KCNJ16: variants seen among roughly 807,000 people sequenced by gnomAD.
KCNJ16 encodes inward rectifier potassium channel 16.
Under a neutral mutation model 18.5 loss-of-function variants are expected in KCNJ16, and 15 were observed. That is an observed-to-expected ratio of 0.81 (90% CI 0.54 to 1.25). The LOEUF (loss-of-function observed/expected upper bound fraction) is 1.25. Among genes scored for constraint, KCNJ16 ranks in the 50% most tolerant of loss-of-function variants. The pLI is 0.00. For missense variants in KCNJ16, 523 were observed against 525.7 expected (o/e 0.99, Z 0.05); for synonymous variants, 174 against 186.5 (o/e 0.93, Z 0.55).
intron 1 of KCNJ16, among the ~76,000 whole-genome samples, chr17:70,097,231 G>A (rs1207762735): frequency 6.6e-6 from 1 of 152,072 alleles, no homozygotes; most frequent in Non-Finnish European, 1.5e-5. Context: ...CATGTCAATG[G>A]CACAACCCAT....
chr17:70,096,590 ATAAC>A (rs1156663551), intron 1 of KCNJ16: 4 of 203,306 alleles, frequency 2.0e-5, no homozygotes, highest in Non-Finnish European at 3.9e-5. Context: ...TCAATAAATA[ATAAC>A]TATCATTATT....
At chr17:70,078,725 C>A (rs1247596349) in intron 1 of KCNJ16, among the ~76,000 whole-genome samples, 1 of 152,056 alleles carries the variant, frequency 6.6e-6, no homozygotes, top group African/African-American at 2.4e-5. Context: ...CCCAGCCTGG[C>A]AGAAAAAGGC....
chr17:70,127,154 T>G (rs2073882782), intron 2 of KCNJ16, among the ~76,000 whole-genome samples: 1 of 152,054 alleles, frequency 6.6e-6, no homozygotes, highest in Admixed American at 6.6e-5. Context: ...AATGGAGGAT[T>G]AGGGTTAGGG....
At position 70,132,440 on chromosome 17, in the gene KCNJ16, T is replaced by C; in HGVS notation, c.353T>C (p.Phe118Ser). 7 of 1,614,212 alleles carry C rather than the reference T, an allele frequency of 4.3e-6. No homozygotes were observed. The highest frequency in any genetic ancestry group is 5.9e-6 in the Non-Finnish European group (7 of 1,180,026). ...ITPCVDNVHSFTGAFLFSLET... is the reference protein window; with the variant it reads ...ITPCVDNVHSSTGAFLFSLET... The stretch of plus-strand genomic sequence containing the variant: ...CCTTGTGTTGACAACGTCCATTCTT[T>C]CACAGGGGCCTTTTTGTTCTCCCTA... Residue 118 changes from phenylalanine to serine, a missense_variant, in exon 4 of 4, where the codon TTC (phenylalanine) becomes TCC (serine). Coordinates refer to ENST00000392671, the MANE Select transcript of KCNJ16 (RefSeq NM_170741.4).
chr17:70,124,889 GGTGTGTGTTTGTGT>G (rs1567803884), intron 2 of KCNJ16, among the ~76,000 whole-genome samples: 1 of 89,320 alleles, frequency 1.1e-5, no homozygotes, highest in Non-Finnish European at 2.2e-5. Context: ...TGAATAGATG[GGTGTGTGTTTGTGT>G]GTGTGTGTTC....
intron 1 of KCNJ16, among the ~76,000 whole-genome samples, chr17:70,096,039 T>C (rs1469362331): frequency 6.6e-6 from 1 of 151,808 alleles, no homozygotes; most frequent in Non-Finnish European, 1.5e-5. Context: ...CCCACCACCA[T>C]GTCTGGCTAA....
intron 2 of KCNJ16, among the ~76,000 whole-genome samples, chr17:70,112,486 G>T: frequency 6.7e-6 from 1 of 148,806 alleles, no homozygotes; most frequent in Admixed American, 6.7e-5. Context: ...TCTTTCCCTT[G>T]TCTTGAACTC....
intron 2 of KCNJ16, among the ~76,000 whole-genome samples, chr17:70,122,878 C>T (rs932845820): frequency 6.6e-6 from 1 of 152,142 alleles, no homozygotes; most frequent in African/African-American, 2.4e-5. Flanking sequence ...GTGGCCCTGC[C>T]GCACATGAAG....
intron 2 of KCNJ16, among the ~76,000 whole-genome samples, chr17:70,130,073 A>C (rs1226581084): frequency 4.6e-5 from 7 of 152,160 alleles, no homozygotes; most frequent in Non-Finnish European, 8.8e-5. Flanking sequence ...ACATTTAACA[A>C]GAAAATAATT....
intron 1 of KCNJ16, among the ~76,000 whole-genome samples, chr17:70,079,508 A>C (rs2071459173): frequency 6.6e-6 from 1 of 152,126 alleles, no homozygotes; most frequent in Non-Finnish European, 1.5e-5. Flanking sequence ...AACAGAATCC[A>C]ACTTCATCCT....
chr17:70,112,693 T>C (rs1045550233), intron 2 of KCNJ16, among the ~76,000 whole-genome samples: 2 of 152,194 alleles, frequency 1.3e-5, no homozygotes, highest in African/African-American at 2.4e-5. Flanking sequence ...ATTCATCTCA[T>C]CCCTGTCCCC....
At chr17:70,076,761 TAATTGAAAATTAGA>T (rs1740235781) in intron 1 of KCNJ16, among the ~76,000 whole-genome samples, 2 of 152,316 alleles carry the variant, frequency 1.3e-5, no homozygotes, top group South Asian at 4.1e-4. Context: ...GGATATAAAT[TAATTGAAAATTAGA>T]AATGGAAAAA....
intron 2 of KCNJ16, among the ~76,000 whole-genome samples, chr17:70,110,368 A>G (rs2073133318): frequency 6.6e-6 from 1 of 152,152 alleles, no homozygotes. Flanking sequence ...CAGTGAAAAC[A>G]GCCTTTGGTC....
intron 2 of KCNJ16, among the ~76,000 whole-genome samples, chr17:70,111,591 C>A (rs1304779884): frequency 6.6e-6 from 1 of 152,038 alleles, no homozygotes; most frequent in Non-Finnish European, 1.5e-5. Context: ...GGTACATATG[C>A]TCGCAGACAG....
intron 2 of KCNJ16, 130 bp from the exon 3 acceptor site, chr17:70,130,749 T>C: frequency 1.7e-6 from 1 of 574,940 alleles, no homozygotes; most frequent in Non-Finnish European, 3.1e-6. Context: ...GAGGCAGGAT[T>C]CCCTAAAGTC....
intron 2 of KCNJ16, among the ~76,000 whole-genome samples, chr17:70,109,947 C>T (rs2073110839): frequency 6.6e-6 from 1 of 152,166 alleles, no homozygotes; most frequent in African/African-American, 2.4e-5. Context: ...ACCCAGAAAC[C>T]TGGCCATCTG....
At chr17:70,113,622 C>G (rs914404005) in intron 2 of KCNJ16, among the ~76,000 whole-genome samples, 14 of 152,114 alleles carry the variant, frequency 9.2e-5, no homozygotes, top group African/African-American at 3.4e-4. Context: ...AAACTCAGTT[C>G]TTAGTTGCCC....
rs1241931810 is a variant in KCNJ16 at position 70,134,673 on chromosome 17, T to G, written c.*1329T>G. On this transcript the variant is annotated 3_prime_UTR_variant, in exon 4 of 4. Transcript: ENST00000392671. ...GATATTAGGAACATTCAGAATTATT[T>G]GTGTTTTGTTTTTGTTTTACATTGT... The G allele has an allele frequency of 6.0e-6, 1 of 167,058 alleles. No homozygotes were observed. Among genetic ancestry groups the G allele is most frequent in the African/African-American group, 2.4e-5 (1 of 41,470 alleles). 10.3% of individuals were successfully genotyped at this position (167,058 alleles called of 1,614,324 possible).
At chr17:70,114,774 G>A (rs1598154402) in intron 2 of KCNJ16, among the ~76,000 whole-genome samples, 1 of 152,012 alleles carries the variant, frequency 6.6e-6, no homozygotes, top group East Asian at 1.9e-4. Context: ...TAATGGCGGG[G>A]GAAAAAAATG....
Sources: allele counts gnomAD v4.1 joint callset (sites outside exome capture counted in the v4.1 genomes callset), GRCh38; gene constraint gnomAD v4.1.1; transcripts MANE v1.5; gene names NCBI Gene and HGNC (gene_info 2026-07-23, HGNC 2026-07-21).